The following FRMPD3 variants were observed in gnomAD, a reference collection of about 807,000 sequenced individuals.
FRMPD3 encodes the protein FERM and PDZ domain-containing protein 3.
In FRMPD3, 42 loss-of-function variants were observed where a neutral mutation model predicts 97.9. The observed-to-expected ratio is 0.43, with a 90% CI of 0.34 to 0.55. FRMPD3 has a LOEUF of 0.55. FRMPD3 is among the 20% of genes least tolerant of loss of function. FRMPD3 has a pLI of 0.03. For missense variants in FRMPD3, 1,303 were observed against 1,457.7 expected (o/e 0.89, Z 1.73); for synonymous variants, 577 against 581.1 (o/e 0.99, Z 0.10).
chrX:107,584,218 C>T (rs774254171), intron 13 of FRMPD3, among the ~76,000 whole-genome samples: 346 of 110,739 alleles, frequency 3.1e-3, no homozygotes, highest in Non-Finnish European at 4.3e-3. Context: ...TTCATATGTT[C>T]GTTGGCCGCG....
chrX:107,588,172 G>T (rs1043746288), intron 13 of FRMPD3, among the ~76,000 whole-genome samples: 6 of 111,355 alleles, frequency 5.4e-5, no homozygotes, highest in Non-Finnish European at 1.1e-4. Context: ...TTTCTTTCTG[G>T]CTGCCCTTAA....
At chrX:107,516,282 A>G (rs868560622) in intron 1 of FRMPD3, among the ~76,000 whole-genome samples, 2 of 110,176 alleles carry the variant, frequency 1.8e-5, no homozygotes, top group Admixed American at 9.6e-5. Context: ...TCATTATTGG[A>G]CATTTGGGTT....
At chrX:107,459,713 T>C (rs932890676) in intron 1 of FRMPD3, among the ~76,000 whole-genome samples, 4 of 112,789 alleles carry the variant, frequency 3.5e-5, no homozygotes, top group African/African-American at 1.3e-4. Flanking sequence ...GTAGTTCTGC[T>C]CAGGCTGTGG....
chrX:107,571,758 C>T (rs1163005376), intron 12 of FRMPD3, among the ~76,000 whole-genome samples: 1 of 112,493 alleles, frequency 8.9e-6, no homozygotes, highest in Non-Finnish European at 1.9e-5. Context: ...CCTGAGCTGG[C>T]TTGTCAACCA....
intron 10 of FRMPD3, among the ~76,000 whole-genome samples, chrX:107,561,679 A>G (rs1318264952): frequency 1.8e-5 from 2 of 112,566 alleles, no homozygotes; most frequent in Non-Finnish European, 3.8e-5. Context: ...AGATGTACAT[A>G]TGGGACGCAA....
rs1931236404 is a variant in FRMPD3 at position 107,449,674 on chromosome X, G to C, written c.-339G>C. On this transcript the variant is annotated 5_prime_UTR_variant, in exon 1 of 15. Coordinates refer to ENST00000683843, the MANE Select transcript of FRMPD3 (RefSeq NM_001388459.1). ...CGCACTCCTGGAGCGAGAGAGCGAC[G>C]AGCGAGCCACGGCGATGGTGCCGCC... Among the ~76,000 whole-genome samples, 1 of 107,272 alleles carries C rather than the reference G, an allele frequency of 9.3e-6. No individual in the cohort carries two copies. Among genetic ancestry groups the C allele is most frequent in the South Asian group, 4.2e-4 (1 of 2,355 alleles). The allele number at this position is 107,272 out of a possible 115,157, so 93.2% of individuals were successfully genotyped here.
chrX:107,484,443 A>G (rs754226175), intron 1 of FRMPD3, among the ~76,000 whole-genome samples: 14 of 112,793 alleles, frequency 1.2e-4, no homozygotes, highest in African/African-American at 4.5e-4. Flanking sequence ...TGGAACAGCT[A>G]AGCATTCTCC....
At chrX:107,575,760 G>A (rs1923086334) in intron 12 of FRMPD3, among the ~76,000 whole-genome samples, 1 of 112,383 alleles carries the variant, frequency 8.9e-6, no homozygotes, top group Non-Finnish European at 1.9e-5. Context: ...CGAGCATGAC[G>A]CTCTGAGCAG....
intron 1 of FRMPD3, among the ~76,000 whole-genome samples, chrX:107,520,275 T>G (rs1315987215): frequency 8.1e-5 from 9 of 110,538 alleles, no homozygotes; most frequent in African/African-American, 3.0e-4. Context: ...AGCATTGAAG[T>G]GGCCCTCAGC....
At chrX:107,593,399 T>C (rs1039697441) in intron 13 of FRMPD3, among the ~76,000 whole-genome samples, 6 of 112,359 alleles carry the variant, frequency 5.3e-5, no homozygotes, top group Admixed American at 1.9e-4. Context: ...TTTAGTTTAA[T>C]TAAGTCCCAA....
At position 107,560,866 on chromosome X, in the gene FRMPD3, G is replaced by A; in HGVS notation, c.1026+13G>A. On this transcript the variant is annotated intron_variant, in intron 10 of 14. Coordinates refer to ENST00000683843, the MANE Select transcript of FRMPD3 (RefSeq NM_001388459.1). Reference sequence around the variant, plus strand: ...CTGCGGCACCAAGGTATCCAGAGTAGACCACTGGGCATGGTGCTCCAGGCA... The same window carrying A: ...CTGCGGCACCAAGGTATCCAGAGTAAACCACTGGGCATGGTGCTCCAGGCA... 8.4e-7 allele frequency: 1 copy of A among 1,186,082 alleles called. No individual in the cohort carries two copies. Among genetic ancestry groups the A allele is most frequent in the Non-Finnish European group, 1.1e-6 (1 of 882,941 alleles).
chrX:107,594,758 A>T (rs1343674578), intron 13 of FRMPD3, among the ~76,000 whole-genome samples: 1 of 111,332 alleles, frequency 9.0e-6, no homozygotes, highest in Non-Finnish European at 1.9e-5. Flanking sequence ...GCACATGCTT[A>T]TAATCCCAGC....
At chrX:107,510,521 C>A (rs751536175) in intron 1 of FRMPD3, among the ~76,000 whole-genome samples, 1 of 111,811 alleles carries the variant, frequency 8.9e-6, no homozygotes, top group African/African-American at 3.3e-5. Context: ...CAGCTACCAA[C>A]GTGGGGGAGG....
At position 107,597,334 on chromosome X, in the gene FRMPD3, C is replaced by T. The variant is rs186977626; in HGVS notation, c.1455C>T (p.Ser485=). 12 of 1,198,544 alleles carry T rather than the reference C, an allele frequency of 1.0e-5. No homozygotes were observed. In the African/African-American group the frequency reaches 1.4e-4, roughly 14 times the overall value. ...PPMIKADYMH[S]AHRPVTGGHL... is the part of the protein sequence containing the mutation. ...TTCTGGGTTTAGATTACATGCACAG[C>T]GCCCACCGCCCTGTCACTGGGGGCC... Residue 485 remains serine, a synonymous_variant, in exon 14 of 15, where the codon AGC becomes AGT. Coordinates refer to ENST00000683843, the MANE Select transcript of FRMPD3 (RefSeq NM_001388459.1).
At chrX:107,481,800 G>A (rs1428419026) in intron 1 of FRMPD3, among the ~76,000 whole-genome samples, 1 of 112,319 alleles carries the variant, frequency 8.9e-6, no homozygotes, top group Non-Finnish European at 1.9e-5. Context: ...TTGAGGCTGG[G>A]TCTAAAAGAA....
At chrX:107,578,006 G>A (rs5962856) in intron 13 of FRMPD3, among the ~76,000 whole-genome samples, 18,945 of 111,221 alleles carry the variant, frequency 0.17, 3,415 homozygotes, top group African/African-American at 0.54. Flanking sequence ...AGCTCTGAAG[G>A]GGCGGCCATA....
At chrX:107,555,698 T>C (rs1480076261) in intron 8 of FRMPD3, among the ~76,000 whole-genome samples, 1 of 112,090 alleles carries the variant, frequency 8.9e-6, no homozygotes, top group African/African-American at 3.2e-5. Flanking sequence ...CAAACACTGG[T>C]ATTTTTTTAA....
At chrX:107,584,160 C>A (rs912435287) in intron 13 of FRMPD3, among the ~76,000 whole-genome samples, 1 of 111,137 alleles carries the variant, frequency 9.0e-6, no homozygotes, top group Non-Finnish European at 1.9e-5. Flanking sequence ...AGCCACCACG[C>A]CTGGCCCTGT....
intron 3 of FRMPD3, among the ~76,000 whole-genome samples, chrX:107,532,446 CCATAGGGA>C (rs1923009306): frequency 8.9e-6 from 1 of 112,222 alleles, no homozygotes; most frequent in Non-Finnish European, 1.9e-5. Flanking sequence ...TTTGAAGCCA[CCATAGGGA>C]CTGTGGCTTT....
Sources: gnomAD v4.1 joint callset for allele counts (sites outside exome capture counted in the v4.1 genomes callset) on GRCh38, gnomAD v4.1.1 for gene constraint, MANE v1.5 for transcripts, NCBI Gene and HGNC (gene_info 2026-07-23, HGNC 2026-07-21) for gene names.